The following CUBN variants were observed in gnomAD, a reference collection of about 807,000 sequenced individuals.
CUBN encodes the protein cubilin.
Under a neutral mutation model 405.3 loss-of-function variants are expected in CUBN, and 282 were observed. The observed-to-expected ratio is 0.70, with a 90% CI of 0.63 to 0.77. CUBN has a LOEUF of 0.77. CUBN is among the 30% of genes least tolerant of loss of function. The pLI, the probability that CUBN is intolerant of heterozygous loss-of-function variation, is 0.00. For missense variants in CUBN, 4,514 were observed against 4,475.2 expected (o/e 1.01, Z -0.25); for synonymous variants, 1,684 against 1,617.0 (o/e 1.04, Z -0.99).
intron 36 of CUBN, among the ~76,000 whole-genome samples, 157 bp downstream of exon 36, chr10:16,947,078 G>C (rs1215853906): frequency 6.6e-6 from 1 of 152,156 alleles, no homozygotes; most frequent in Non-Finnish European, 1.5e-5. Context: ...GAAACTTCAT[G>C]CTATTTATAA....
At chr10:16,841,188 A>G (rs1198502301) in intron 60 of CUBN, 141 bp from the exon 61 acceptor site, 3 of 707,226 alleles carry the variant, frequency 4.2e-6, no homozygotes, top group Non-Finnish European at 7.2e-6. Context: ...ATTTAGGAAC[A>G]GAATTATAAT....
At chr10:16,925,906 G>A (rs185657136) in intron 41 of CUBN, 132 bp from the exon 42 acceptor site, 1 of 775,292 alleles carries the variant, frequency 1.3e-6, no homozygotes, top group Non-Finnish European at 2.2e-6. Flanking sequence ...CAGAGTGCAG[G>A]AAATGATTAT....
At chr10:16,940,341 T>C (rs1375566057) in intron 36 of CUBN, 104 bp from the exon 37 acceptor site, 2 of 1,108,040 alleles carry the variant, frequency 1.8e-6, no homozygotes, top group Non-Finnish European at 1.4e-6. Flanking sequence ...TTTTAAACTT[T>C]CTTTAACTTT....
At chr10:16,942,152 G>T (rs1842667882) in intron 36 of CUBN, among the ~76,000 whole-genome samples, 1 of 152,076 alleles carries the variant, frequency 6.6e-6, no homozygotes, top group South Asian at 2.1e-4. Flanking sequence ...AAATTAAAAG[G>T]CTGACAAGAT....
chr10:17,039,684 T>C (rs1476484672), intron 27 of CUBN, among the ~76,000 whole-genome samples: 2 of 152,150 alleles, frequency 1.3e-5, no homozygotes, highest in Non-Finnish European at 2.9e-5. Context: ...GAACTCCAGG[T>C]CAAGGAAGGT....
chr10:16,958,347 C>T (rs1843127706), intron 31 of CUBN, among the ~76,000 whole-genome samples: 2 of 152,036 alleles, frequency 1.3e-5, no homozygotes, highest in African/African-American at 4.8e-5. Context: ...CATGACAAAA[C>T]CATGTCTCTA....
At chr10:16,885,328 A>T (rs925946049) in intron 56 of CUBN, among the ~76,000 whole-genome samples, 2 of 152,228 alleles carry the variant, frequency 1.3e-5, no homozygotes, top group African/African-American at 2.4e-5. Context: ...TAAGGATACC[A>T]TCTTAGAAAA....
At chr10:17,043,492 A>C (rs1588606331) in intron 26 of CUBN, among the ~76,000 whole-genome samples, 1 of 152,210 alleles carries the variant, frequency 6.6e-6, no homozygotes, top group South Asian at 2.1e-4. Context: ...AGTCTGGTAC[A>C]CTGATCTTTC....
chr10:16,829,324 G>T (rs1331081280), intron 65 of CUBN, among the ~76,000 whole-genome samples: 2 of 144,616 alleles, frequency 1.4e-5, no homozygotes, highest in African/African-American at 5.3e-5. Context: ...TTGAAAATTG[G>T]GGGTTGAGAG....
At chr10:17,002,150 A>G (rs1193241244) in intron 28 of CUBN, among the ~76,000 whole-genome samples, 6 of 152,208 alleles carry the variant, frequency 3.9e-5, no homozygotes, top group Admixed American at 3.9e-4. Flanking sequence ...ACAAAAATTC[A>G]GGTTCTACGC....
At chr10:16,942,644 T>C (rs1842680360) in intron 36 of CUBN, among the ~76,000 whole-genome samples, 1 of 152,122 alleles carries the variant, frequency 6.6e-6, no homozygotes, top group South Asian at 2.1e-4. Flanking sequence ...TGTAAAATAG[T>C]CCATCCCTAT....
chr10:16,941,713 G>A (rs1187875663), intron 36 of CUBN, among the ~76,000 whole-genome samples: 1 of 151,994 alleles, frequency 6.6e-6, no homozygotes, highest in Non-Finnish European at 1.5e-5. Flanking sequence ...GTGGTGGCCT[G>A]TGCCTATAAT....
chr10:17,023,632 C>T (rs1403498208), intron 27 of CUBN: 2 of 455,826 alleles, frequency 4.4e-6, no homozygotes, highest in East Asian at 6.9e-5. Flanking sequence ...CCAGCTGTGA[C>T]TCATTGCAAC....
rs770447366 is a variant in CUBN at position 17,088,305 on chromosome 10, C to T, written c.1806G>A (p.Lys602=). The stretch of plus-strand genomic sequence containing the variant: ...GATAGTTTCCAGGATACCCCGGAGA[C>T]TTAATAGAACCGTAAGGACCAGTCA... ...GILTGPYGSI[K]SPGYPGNYPP... The change falls in exon 15 of 67, where the codon AAG becomes AAA. Residue 602 remains lysine, a synonymous_variant. Transcript: ENST00000377833. The T allele has an allele frequency of 1.2e-6, 2 of 1,613,520 alleles. No homozygotes were observed. The highest frequency in any genetic ancestry group is 1.7e-6 in the Non-Finnish European group (2 of 1,179,560).
In CUBN at chr10:17,085,739, A is replaced by T. The variant is rs1457867518; in HGVS notation, c.1968T>A (p.Tyr656Ter). The T allele has an allele frequency of 6.2e-7, 1 of 1,613,808 alleles. No individual in the cohort carries two copies. Among genetic ancestry groups the T allele is most frequent in the African/African-American group, 1.3e-5 (1 of 74,898 alleles). The change falls in exon 16 of 67, where the codon TAT (tyrosine) becomes TAA (stop). Residue 656 changes from tyrosine to a stop codon, truncating the protein, a stop_gained. Coordinates refer to ENST00000377833, the MANE Select transcript of CUBN (RefSeq NM_001081.4). LOFTEE classifies it high-confidence loss of function. Reference sequence around the variant, plus strand: ...AGAACTTCCCAAGAAGGGGGTCCTGATACAAAGGACCATCTCGAATCTAAA... The same window carrying T: ...AGAACTTCCCAAGAAGGGGGTCCTGTTACAAAGGACCATCTCGAATCTAAA... ...DYLEIRDGPLYQDPLLGKFCT... is the reference protein window; with the variant it reads ...DYLEIRDGPL
At chr10:16,975,067 C>T (rs10904857) in intron 31 of CUBN, among the ~76,000 whole-genome samples, 84,096 of 151,980 alleles carry the variant, frequency 0.55, 23,634 homozygotes, top group African/African-American at 0.59. Context: ...TTTCACTGCA[C>T]GACAGGGAAG....
chr10:17,095,036 T>G (rs371705025), intron 14 of CUBN, among the ~76,000 whole-genome samples: 1 of 152,048 alleles, frequency 6.6e-6, no homozygotes, highest in Non-Finnish European at 1.5e-5. Flanking sequence ...CAAAACAGTA[T>G]GGTATTGGCA....
chr10:16,987,642 A>C (rs1474632242), intron 29 of CUBN, among the ~76,000 whole-genome samples: 1 of 152,176 alleles, frequency 6.6e-6, no homozygotes, highest in African/African-American at 2.4e-5. Context: ...CTACACTCAC[A>C]TGCAGGCTGA....
chr10:16,952,312 G>A lies in CUBN; in HGVS notation c.4933C>T (p.Gln1645Ter), dbSNP rs1419859655. 5.0e-6 allele frequency: 8 copies of A among 1,613,862 alleles called. No homozygotes were observed. The highest frequency in any genetic ancestry group is 2.2e-5 in the East Asian group (1 of 44,880). ...GCTTGAATGATCCAGCTGCAGTTCT[G>A]ATTGTTTGGATAATTGGCAGGGAAC... ...PRFPANYPNN[Q>*]NCSWIIQAQP... Residue 1645 changes from glutamine (Q) to a stop codon, truncating the protein, a stop_gained, in exon 33 of 67, where the codon CAG becomes TAG. Transcript: ENST00000377833. LOFTEE classifies it high-confidence loss of function.
Sources: gnomAD v4.1 joint callset for allele counts (sites outside exome capture counted in the v4.1 genomes callset) on GRCh38, gnomAD v4.1.1 for gene constraint, MANE v1.5 for transcripts, NCBI Gene and HGNC (gene_info 2026-07-23, HGNC 2026-07-21) for gene names.